SPEM3: variants seen among roughly 807,000 people sequenced by gnomAD.
The protein encoded by SPEM3 is uncharacterized protein SPEM3.
Position 7,432,675 on chromosome 17 carries a change from G to A in SPEM3, c.3504G>A (p.Lys1168=). The part of the protein sequence containing the change: ...RQRRLAVGKD[K]CEALSPRRLH... ...GACGGTTGGCAGTGGGCAAGGACAAGTGTGAAGCTCTGTCTCCTAGGCGCC... is the reference window on the plus strand; with the variant it reads ...GACGGTTGGCAGTGGGCAAGGACAAATGTGAAGCTCTGTCTCCTAGGCGCC... The change falls in exon 3 of 3, where the codon AAG becomes AAA. Residue 1168 remains lysine, a synonymous_variant. Coordinates refer to ENST00000636696, the MANE Select transcript of SPEM3 (RefSeq NM_001364708.1). This position sits in a 1 kb window ranked among gnomAD's most constrained non-coding sequence, Gnocchi z 4.1. 2.5e-6 allele frequency: 1 copy of A among 398,712 alleles called. No homozygotes were observed. Among genetic ancestry groups the A allele is most frequent in the Non-Finnish European group, 4.4e-6 (1 of 226,108 alleles). 24.7% of individuals were successfully genotyped at this position (398,712 alleles called of 1,614,324 possible).
rs983630140 is a variant in SPEM3, at chr17:7,430,023, C to T, written c.852C>T (p.Thr284=). ...AQTPAHIQAH[T]PAPTPAKASA... is the part of the protein sequence containing the mutation. Reference sequence around the variant, plus strand: ...CGCCAGCCCACATCCAAGCTCACACCCCAGCCCCTACACCGGCCAAGGCCT... The same window carrying T: ...CGCCAGCCCACATCCAAGCTCACACTCCAGCCCCTACACCGGCCAAGGCCT... The change falls in exon 3 of 3, where the codon ACC becomes ACT. Residue 284 remains threonine (T), a synonymous_variant. Transcript: ENST00000636696. The T allele has an allele frequency of 1.9e-5, 8 of 422,832 alleles. No individual in the cohort carries two copies. Among genetic ancestry groups the T allele is most frequent in the African/African-American group, 1.6e-4 (8 of 48,568 alleles). 26.2% of individuals were successfully genotyped at this position (422,832 alleles called of 1,614,324 possible).
Position 7,430,072 on chromosome 17 carries a change from T to C in SPEM3, c.901T>C (p.Ser301Pro). 2.4e-6 allele frequency: 1 copy of C among 408,426 alleles called. No homozygotes were observed. 25.3% of individuals were successfully genotyped at this position (408,426 alleles called of 1,614,324 possible). ...KASAHTKAHT[S>P]AQAQTHSPPH... Reference sequence around the variant, plus strand: ...CTCAGCTCACACTAAAGCCCATACGTCAGCCCAGGCCCAAACCCACTCTCC... The same window carrying C: ...CTCAGCTCACACTAAAGCCCATACGCCAGCCCAGGCCCAAACCCACTCTCC... The change falls in exon 3 of 3, where the codon TCA becomes CCA. Residue 301 changes from serine to proline, a missense_variant. Physicochemically the swap from Ser to Pro is moderately conservative, Grantham distance 74 (BLOSUM62 -1). Coordinates refer to ENST00000636696, the MANE Select transcript of SPEM3 (RefSeq NM_001364708.1).
In SPEM3 at chr17:7,431,388, C is replaced by G. The variant is rs1907827632; in HGVS notation, c.2217C>G (p.Ser739Arg). 2.5e-6 allele frequency: 1 copy of G among 398,384 alleles called. No homozygotes were observed. The highest frequency in any genetic ancestry group is 4.4e-5 in the Admixed American group (1 of 22,706). The allele number at this position is 398,384 out of a possible 1,614,324, so 24.7% of individuals were successfully genotyped here. Residue 739 changes from serine (S) to arginine (R), a missense_variant, in exon 3 of 3, where the codon AGC becomes AGG. Coordinates refer to ENST00000636696, the MANE Select transcript of SPEM3 (RefSeq NM_001364708.1). The stretch of plus-strand genomic sequence containing the variant: ...ATTCTTATCTCTGCCAGAATCCAAG[C>G]CCTTCTCAAGACTTTGGTCTTCACA... ...PQDSYLCQNP[S>R]PSQDFGLHKN...
Position 7,429,245 on chromosome 17 carries a change from A to G in SPEM3, c.194A>G (p.Lys65Arg). Residue 65 changes from lysine (K) to arginine (R), a missense_variant and splice_region_variant, in exon 2 of 3, where the codon AAA (lysine) becomes AGA (arginine). Transcript: ENST00000636696. This position sits in a 1 kb window ranked among gnomAD's most constrained non-coding sequence, Gnocchi z 4.9. ...LRILFRHFFP[K>R]DKQPSGSHPI... ...ATTCTTTTCCGTCATTTTTTCCCCAAAGGTGAGTGGGCCCCTGTATGGGCT... is the reference window on the plus strand; with the variant it reads ...ATTCTTTTCCGTCATTTTTTCCCCAGAGGTGAGTGGGCCCCTGTATGGGCT... 1 of 398,488 alleles carries G rather than the reference A, an allele frequency of 2.5e-6. No homozygotes were observed. The highest frequency in any genetic ancestry group is 3.6e-5 in the East Asian group (1 of 28,062). The allele number at this position is 398,488 out of a possible 1,614,324, so 24.7% of individuals were successfully genotyped here.
chr17:7,429,620 G>T lies in SPEM3; in HGVS notation c.449G>T (p.Gly150Val), dbSNP rs1907763711. The change falls in exon 3 of 3, where the codon GGC (glycine) becomes GTC (valine). Residue 150 changes from glycine to valine, a missense_variant. Gly to Val is a moderately radical substitution (Grantham distance 109). Coordinates refer to ENST00000636696, the MANE Select transcript of SPEM3 (RefSeq NM_001364708.1). This position sits in a 1 kb window ranked among gnomAD's most constrained non-coding sequence, Gnocchi z 4.9. ...ARGLYKAGMM[G>V]GGEAPQVTAS... is the part of the protein sequence containing the mutation. ...GGACTGTACAAGGCGGGGATGATGG[G>T]CGGGGGAGAAGCCCCTCAGGTCACA... 1 of 398,838 alleles carries T rather than the reference G, an allele frequency of 2.5e-6. No individual in the cohort carries two copies. The highest frequency in any genetic ancestry group is 4.4e-6 in the Non-Finnish European group (1 of 226,256). The allele number at this position is 398,838 out of a possible 1,614,324, so 24.7% of individuals were successfully genotyped here. A position where few individuals can be genotyped will look rare whatever the true frequency, so the allele number is the denominator to read the frequency against.
Position 7,430,025 on chromosome 17 carries a change from C to T in SPEM3, c.854C>T (p.Pro285Leu), listed in dbSNP as rs145749324. The T allele has an allele frequency of 9.2e-4, 391 of 422,874 alleles. 2 individuals carry two copies. The East Asian group carries it at 0.013, about 14-fold the overall frequency. 26.2% of individuals were successfully genotyped at this position (422,874 alleles called of 1,614,324 possible). ...CCAGCCCACATCCAAGCTCACACCC[C>T]AGCCCCTACACCGGCCAAGGCCTCA... ...QTPAHIQAHT[P>L]APTPAKASAH... The change falls in exon 3 of 3, where the codon CCA becomes CTA. Residue 285 changes from proline to leucine, a missense_variant. Physicochemically the swap from Pro to Leu is moderately conservative, Grantham distance 98. Coordinates refer to ENST00000636696, the MANE Select transcript of SPEM3 (RefSeq NM_001364708.1).
Position 7,431,974 on chromosome 17 carries a change from G to A in SPEM3, c.2803G>A (p.Asp935Asn). The change falls in exon 3 of 3, where the codon GAT becomes AAT. Residue 935 changes from aspartate to asparagine, a missense_variant. By Grantham distance (23) the Asp-to-Asn change is conservative (BLOSUM62 1). Coordinates refer to ENST00000636696, the MANE Select transcript of SPEM3 (RefSeq NM_001364708.1). ...CCACAAAGTTAAAGGCCTTACTCAA[G>A]ATTCCAACCTCCCAAGCCTTACCCA... ...GGHKVKGLTQ[D>N]SNLPSLTQAT... The A allele has an allele frequency of 2.5e-6, 1 of 398,550 alleles. No individual in the cohort carries two copies. 24.7% of individuals were successfully genotyped at this position (398,550 alleles called of 1,614,324 possible).
In SPEM3 at chr17:7,431,118, C is replaced by T; in HGVS notation, c.1947C>T (p.Thr649=). The change falls in exon 3 of 3, where the codon ACC becomes ACT. Residue 649 remains threonine, a synonymous_variant. Transcript: ENST00000636696. The part of the protein sequence containing the change: ...SQFPIPSLFA[T]ISQPLIQPQC... The stretch of plus-strand genomic sequence containing the variant: ...TCCCCATCCCTTCCCTGTTCGCCAC[C>T]ATTTCCCAACCCCTGATCCAACCCC... 1 of 398,876 alleles carries T rather than the reference C, an allele frequency of 2.5e-6. No individual in the cohort carries two copies. Among genetic ancestry groups the T allele is most frequent in the Non-Finnish European group, 4.4e-6 (1 of 226,248 alleles). 24.7% of individuals were successfully genotyped at this position (398,876 alleles called of 1,614,324 possible).
In SPEM3 at chr17:7,430,006, C is replaced by T; in HGVS notation, c.835C>T (p.His279Tyr). Reference sequence around the variant, plus strand: ...CCCTACCCCAGCTCAGACGCCAGCCCACATCCAAGCTCACACCCCAGCCCC... The same window carrying T: ...CCCTACCCCAGCTCAGACGCCAGCCTACATCCAAGCTCACACCCCAGCCCC... ...SAPTPAQTPA[H>Y]IQAHTPAPTP... Residue 279 changes from histidine (H) to tyrosine (Y), a missense_variant, in exon 3 of 3, where the codon CAC (histidine) becomes TAC (tyrosine). His to Tyr is a moderately conservative substitution (Grantham distance 83). Transcript: ENST00000636696. The T allele has an allele frequency of 2.4e-6, 1 of 424,582 alleles. No individual in the cohort carries two copies. Among genetic ancestry groups the T allele is most frequent in the Non-Finnish European group, 4.1e-6 (1 of 241,972 alleles). 26.3% of individuals were successfully genotyped at this position (424,582 alleles called of 1,614,324 possible). A position where few individuals can be genotyped will look rare whatever the true frequency, so the allele number is the denominator to read the frequency against.
Position 7,429,338 on chromosome 17 carries a change from G to A in SPEM3, c.197-30G>A. 2 of 398,542 alleles carry A rather than the reference G, an allele frequency of 5.0e-6. No individual in the cohort carries two copies. Among genetic ancestry groups the A allele is most frequent in the Non-Finnish European group, 8.8e-6 (2 of 226,062 alleles). 24.7% of individuals were successfully genotyped at this position (398,542 alleles called of 1,614,324 possible). ...AGTTCTTAGTCCCTAGGGAACCCGG[G>A]CATTGTCCCCATCCTACCTCTCCCT... On this transcript the variant is annotated intron_variant, in intron 2 of 2. Coordinates refer to ENST00000636696, the MANE Select transcript of SPEM3 (RefSeq NM_001364708.1). This position sits in a 1 kb window ranked among gnomAD's most constrained non-coding sequence, Gnocchi z 4.9.
chr17:7,432,273 T>C lies in SPEM3; in HGVS notation c.3102T>C (p.Leu1034=). ...CCCTAGGTTCTGATTTTGTCCAGCT[T>C]TTGTCCCTGCTTCAGACCCCAAAGT... ...SPALGSDFVQ[L]LSLLQTPKST... is the part of the protein sequence containing the mutation. Residue 1034 remains leucine, a synonymous_variant, in exon 3 of 3, where the codon CTT becomes CTC. Coordinates refer to ENST00000636696, the MANE Select transcript of SPEM3 (RefSeq NM_001364708.1). This position sits in a 1 kb window ranked among gnomAD's most constrained non-coding sequence, Gnocchi z 4.1. 1 of 398,746 alleles carries C rather than the reference T, an allele frequency of 2.5e-6. No homozygotes were observed. Among genetic ancestry groups the C allele is most frequent in the Non-Finnish European group, 4.4e-6 (1 of 226,164 alleles). The allele number at this position is 398,746 out of a possible 1,614,324, so 24.7% of individuals were successfully genotyped here.
chr17:7,431,484 T>C lies in SPEM3; in HGVS notation c.2313T>C (p.Leu771=). The part of the protein sequence containing the change: ...NTGLTQEAGI[L]RSPCLTQSPG... ...GTCTGACTCAAGAAGCTGGTATCCT[T>C]AGGAGCCCATGTCTCACCCAATCCC... The change falls in exon 3 of 3, where the codon CTT becomes CTC. Residue 771 remains leucine (L), a synonymous_variant. Coordinates refer to ENST00000636696, the MANE Select transcript of SPEM3 (RefSeq NM_001364708.1). 2.5e-6 allele frequency: 1 copy of C among 398,586 alleles called. No individual in the cohort carries two copies. The highest frequency in any genetic ancestry group is 3.6e-5 in the East Asian group (1 of 28,082). The allele number at this position is 398,586 out of a possible 1,614,324, so 24.7% of individuals were successfully genotyped here.
Position 7,432,652 on chromosome 17 carries a change from C to T in SPEM3, c.3481C>T (p.Arg1161Trp), listed in dbSNP as rs534328440. The T allele has an allele frequency of 7.0e-5, 28 of 398,666 alleles. No homozygotes were observed. The South Asian group carries it at 1.1e-3, about 16-fold the overall frequency. The allele number at this position is 398,666 out of a possible 1,614,324, so 24.7% of individuals were successfully genotyped here. A position where few individuals can be genotyped will look rare whatever the true frequency, so the allele number is the denominator to read the frequency against. ...GHVVFDARQR[R>W]LAVGKDKCEA... ...TGTGGTTTTTGATGCCCGTCAGAGA[C>T]GGTTGGCAGTGGGCAAGGACAAGTG... Residue 1161 changes from arginine to tryptophan, a missense_variant, in exon 3 of 3, where the codon CGG becomes TGG. Physicochemically the swap from Arg to Trp is moderately radical, Grantham distance 101 (BLOSUM62 -3). Transcript: ENST00000636696. This position sits in a 1 kb window ranked among gnomAD's most constrained non-coding sequence, Gnocchi z 4.1.
Position 7,429,092 on chromosome 17 carries a change from G to A in SPEM3, c.138+52G>A. The A allele has an allele frequency of 2.5e-6, 1 of 398,954 alleles. No homozygotes were observed. Among genetic ancestry groups the A allele is most frequent in the Non-Finnish European group, 4.4e-6 (1 of 226,222 alleles). 24.7% of individuals were successfully genotyped at this position (398,954 alleles called of 1,614,324 possible). ...TTGGGGGAGCCCTGGGGTCTTGAAG[G>A]GGCTGAGGTGGGAGGGCTGTTGGGG... On this transcript the variant is annotated intron_variant, in intron 1 of 2. Transcript: ENST00000636696. The surrounding 1 kb of genome is among the most constrained non-coding windows in gnomAD (Gnocchi z 4.9).
chr17:7,430,860 C>T lies in SPEM3; in HGVS notation c.1689C>T (p.Phe563=). The T allele has an allele frequency of 2.5e-6, 1 of 398,712 alleles. No individual in the cohort carries two copies. Among genetic ancestry groups the T allele is most frequent in the East Asian group, 3.6e-5 (1 of 28,078 alleles). 24.7% of individuals were successfully genotyped at this position (398,712 alleles called of 1,614,324 possible). Residue 563 remains phenylalanine (F), a synonymous_variant, in exon 3 of 3, where the codon TTC becomes TTT. Coordinates refer to ENST00000636696, the MANE Select transcript of SPEM3 (RefSeq NM_001364708.1). The part of the protein sequence containing the change: ...TDSQAPFYPK[F]LAYSRDTACA... ...CCCAGGCTCCATTCTACCCCAAATT[C>T]CTTGCCTACTCCCGGGATACTGCAT...
In SPEM3 at chr17:7,430,013, A is replaced by G; in HGVS notation, c.842A>G (p.Gln281Arg). The G allele has an allele frequency of 2.4e-6, 1 of 413,882 alleles. No homozygotes were observed. The highest frequency in any genetic ancestry group is 4.2e-6 in the Non-Finnish European group (1 of 237,590). The allele number at this position is 413,882 out of a possible 1,614,324, so 25.6% of individuals were successfully genotyped here. A position where few individuals can be genotyped will look rare whatever the true frequency, so the allele number is the denominator to read the frequency against. Residue 281 changes from glutamine to arginine, a missense_variant, in exon 3 of 3, where the codon CAA (glutamine) becomes CGA (arginine). Gln to Arg is a conservative substitution (Grantham distance 43). Transcript: ENST00000636696. ...CCAGCTCAGACGCCAGCCCACATCC[A>G]AGCTCACACCCCAGCCCCTACACCG... ...PTPAQTPAHI[Q>R]AHTPAPTPAK...
Position 7,429,104 on chromosome 17 carries a change from G to C in SPEM3, c.138+64G>C, listed in dbSNP as rs1035248961. The C allele has an allele frequency of 5.0e-6, 2 of 398,842 alleles. No homozygotes were observed. The highest frequency in any genetic ancestry group is 2.1e-5 in the African/African-American group (1 of 48,642). The allele number at this position is 398,842 out of a possible 1,614,324, so 24.7% of individuals were successfully genotyped here. The stretch of plus-strand genomic sequence containing the variant: ...TGGGGTCTTGAAGGGGCTGAGGTGG[G>C]AGGGCTGTTGGGGTGTGGCCAGATA... On this transcript the variant is annotated intron_variant, in intron 1 of 2. Coordinates refer to ENST00000636696, the MANE Select transcript of SPEM3 (RefSeq NM_001364708.1). This position sits in a 1 kb window ranked among gnomAD's most constrained non-coding sequence, Gnocchi z 4.9.
chr17:7,432,244 C>G lies in SPEM3; in HGVS notation c.3073C>G (p.Pro1025Ala), dbSNP rs891173734. ...TCCCAGCCTCTACAAGAACCCAAGC[C>G]CTGCCCTAGGTTCTGATTTTGTCCA... ...PDPSLYKNPS[P>A]ALGSDFVQLL... The change falls in exon 3 of 3, where the codon CCT (proline) becomes GCT (alanine). Residue 1025 changes from proline (P) to alanine (A), a missense_variant. By Grantham distance (27) the Pro-to-Ala change is conservative. Transcript: ENST00000636696. The surrounding 1 kb of genome is among the most constrained non-coding windows in gnomAD (Gnocchi z 4.1). 2.0e-5 allele frequency: 8 copies of G among 398,660 alleles called. No individual in the cohort carries two copies. Among genetic ancestry groups the G allele is most frequent in the African/African-American group, 1.4e-4 (7 of 48,630 alleles). 24.7% of individuals were successfully genotyped at this position (398,660 alleles called of 1,614,324 possible).
In SPEM3 at chr17:7,429,499, T is replaced by G. The variant is rs947014830; in HGVS notation, c.328T>G (p.Ser110Ala). The change falls in exon 3 of 3, where the codon TCC (serine) becomes GCC (alanine). Residue 110 changes from serine to alanine, a missense_variant. Coordinates refer to ENST00000636696, the MANE Select transcript of SPEM3 (RefSeq NM_001364708.1). The surrounding 1 kb of genome is among the most constrained non-coding windows in gnomAD (Gnocchi z 4.9). Reference sequence around the variant, plus strand: ...GCTCAGGCGCGTTAACCACCTTGACTCCTGGATACCAGACACGAACGATGA... The same window carrying G: ...GCTCAGGCGCGTTAACCACCTTGACGCCTGGATACCAGACACGAACGATGA... Reference protein sequence around the residue: ...FLLRRVNHLDSWIPDTNDEKV... With the variant: ...FLLRRVNHLDAWIPDTNDEKV... 2.8e-4 allele frequency: 110 copies of G among 398,506 alleles called. No homozygotes were observed. The highest frequency in any genetic ancestry group is 1.2e-4 in the Non-Finnish European group (26 of 226,082). 24.7% of individuals were successfully genotyped at this position (398,506 alleles called of 1,614,324 possible).
Sources: allele counts gnomAD v4.1 joint callset, GRCh38; gene constraint gnomAD v4.1.1; non-coding constraint Gnocchi (gnomAD v3.1); transcripts MANE v1.5; gene names NCBI Gene and HGNC (gene_info 2026-07-23, HGNC 2026-07-21).